LHFPL3: variants seen among roughly 807,000 people sequenced by gnomAD.
LHFPL3 encodes LHFPL tetraspan subfamily member 3 protein.
Under a neutral mutation model 19.3 loss-of-function variants are expected in LHFPL3, and 5 were observed. That is an observed-to-expected ratio of 0.26 (90% CI 0.14 to 0.54). The LOEUF (loss-of-function observed/expected upper bound fraction) is 0.54. Among genes scored for constraint, LHFPL3 ranks in the 20% least tolerant of loss-of-function variants. The probability of loss-of-function intolerance (pLI) is 0.94; values close to 1 mark genes in which losing one functional copy is unlikely to be tolerated. For synonymous variants in LHFPL3, 133 were observed against 126.2 expected, an observed-to-expected ratio of 1.05 and a Z score of -0.36; for missense variants, 249 against 307.4, an observed-to-expected ratio of 0.81 and a Z score of 1.42.
rs539563784 is a variant in LHFPL3 at position 104,897,458 on chromosome 7, A to G, written c.683-8729A>G. On this transcript the variant is annotated intron_variant, in intron 2 of 2. Coordinates refer to ENST00000424859, the MANE Select transcript of LHFPL3 (RefSeq NM_199000.3). ...GGATAATTAGGACCAGGACTATTAC[A>G]TTTGTGGTAACAAAGGCATGTAAAA... Among the ~76,000 whole-genome samples the G allele has an allele frequency of 9.8e-5, 15 of 152,324 alleles. No individual in the cohort carries two copies. In the East Asian group the frequency reaches 2.9e-3, roughly 29 times the overall value.
rs575424132 is a variant in LHFPL3 at position 104,595,236 on chromosome 7, CT to C, written c.446-141434del. On this transcript the variant is annotated intron_variant, in intron 1 of 2. Transcript: ENST00000424859. ...CAGATGGGGTTTTGGTGTAGATGAC[CT>C]TTTTGTTGATGTTGATGCTATTTCT... 2.7e-3 allele frequency among the ~76,000 whole-genome samples: 411 copies of C among 152,002 alleles called. 4 individuals carry two copies. Among genetic ancestry groups the C allele is most frequent in the African/African-American group, 9.7e-3 (400 of 41,442 alleles).
intron 1 of LHFPL3, among the ~76,000 whole-genome samples, chr7:104,384,787 C>CAAAAAAAAA (rs771136918): frequency 2.7e-5 from 2 of 74,564 alleles, no homozygotes; most frequent in African/African-American, 5.3e-5. Flanking sequence ...AACTCTATTT[C>CAAAAAAAAA]AAAAAAAAAA....
chr7:104,587,269 C>A (rs1336350785), intron 1 of LHFPL3, among the ~76,000 whole-genome samples: 7 of 152,176 alleles, frequency 4.6e-5, no homozygotes, highest in Admixed American at 4.6e-4. Context: ...TCCCTCCCCT[C>A]TCCCCACACC....
chr7:104,834,153 G>C (rs1450548560), intron 2 of LHFPL3, among the ~76,000 whole-genome samples: 2 of 151,040 alleles, frequency 1.3e-5, no homozygotes, highest in Non-Finnish European at 2.9e-5. Context: ...TTAAGGGTGG[G>C]TCTGCCTTCC....
At chr7:104,623,428 G>A (rs927816726) in intron 1 of LHFPL3, among the ~76,000 whole-genome samples, 4 of 152,150 alleles carry the variant, frequency 2.6e-5, no homozygotes, top group Non-Finnish European at 4.4e-5. Flanking sequence ...TCAGGAGTTC[G>A]AGACCAGCCT....
intron 1 of LHFPL3, among the ~76,000 whole-genome samples, chr7:104,495,138 A>G (rs141527600): frequency 3.2e-4 from 48 of 152,212 alleles, no homozygotes; most frequent in African/African-American, 1.1e-3. Flanking sequence ...TCTTCCTCAG[A>G]GAAGGTTCAA....
chr7:104,340,627 G>A (rs1175541355), intron 1 of LHFPL3, among the ~76,000 whole-genome samples: 3 of 152,162 alleles, frequency 2.0e-5, no homozygotes, highest in Non-Finnish European at 4.4e-5. Context: ...ATTGAGTGGC[G>A]CAATTTGTGT....
chr7:104,336,536 A>C (rs1045671296), intron 1 of LHFPL3, among the ~76,000 whole-genome samples: 4 of 151,934 alleles, frequency 2.6e-5, no homozygotes, highest in East Asian at 1.9e-4. Context: ...GGGGCTTGCA[A>C]GGGGAAGATA....
chr7:104,815,841 C>T lies in LHFPL3; in HGVS notation c.682+78930C>T, dbSNP rs573651039. On this transcript the variant is annotated intron_variant, in intron 2 of 2. Coordinates refer to ENST00000424859, the MANE Select transcript of LHFPL3 (RefSeq NM_199000.3). The stretch of plus-strand genomic sequence containing the variant: ...GACACAGGAAAGTTGTGAACTGCCT[C>T]GTGTGAGTACTAGGGCAAAGAAGCT... 2.2e-3 allele frequency among the ~76,000 whole-genome samples: 337 copies of T among 152,206 alleles called. 1 individual carries two copies. Among genetic ancestry groups the T allele is most frequent in the South Asian group, 0.02 (96 of 4,808 alleles).
intron 2 of LHFPL3, among the ~76,000 whole-genome samples, chr7:104,898,468 TGG>T (rs1792411470): frequency 6.6e-6 from 1 of 152,230 alleles, no homozygotes; most frequent in African/African-American, 2.4e-5. Flanking sequence ...GTTAATTAAT[TGG>T]TTTTATACAA....
At chr7:104,528,429 T>G (rs1794231196) in intron 1 of LHFPL3, among the ~76,000 whole-genome samples, 1 of 152,166 alleles carries the variant, frequency 6.6e-6, no homozygotes, top group African/African-American at 2.4e-5. Context: ...TTCCTTCTCT[T>G]TCTCATCCTT....
chr7:104,885,064 G>GGT (rs1792123662), intron 2 of LHFPL3, among the ~76,000 whole-genome samples: 1 of 152,216 alleles, frequency 6.6e-6, no homozygotes, highest in Non-Finnish European at 1.5e-5. Flanking sequence ...GATCTATGTA[G>GGT]GTGCAGCGTG....
chr7:104,369,582 T>A (rs992739687), intron 1 of LHFPL3, among the ~76,000 whole-genome samples: 1 of 152,234 alleles, frequency 6.6e-6, no homozygotes, highest in Non-Finnish European at 1.5e-5. Context: ...TACATTTATG[T>A]TTAACTTTTA....
chr7:104,333,456 A>C (rs527808013), intron 1 of LHFPL3, among the ~76,000 whole-genome samples: 5 of 152,290 alleles, frequency 3.3e-5, no homozygotes, highest in African/African-American at 1.2e-4. Flanking sequence ...TACTCCCCAG[A>C]TTCCTCATCT....
intron 1 of LHFPL3, among the ~76,000 whole-genome samples, chr7:104,612,930 A>G (rs1236619505): frequency 6.6e-6 from 1 of 152,230 alleles, no homozygotes; most frequent in African/African-American, 2.4e-5. Flanking sequence ...TTCCCACACT[A>G]CACTCAGCTC....
chr7:104,374,293 G>A (rs1364881986), intron 1 of LHFPL3, among the ~76,000 whole-genome samples: 1 of 151,754 alleles, frequency 6.6e-6, no homozygotes, highest in African/African-American at 2.4e-5. Context: ...CCAGGCTGGA[G>A]TACAATGGCG....
chr7:104,382,659 C>T (rs1047621157), intron 1 of LHFPL3, among the ~76,000 whole-genome samples: 1 of 152,216 alleles, frequency 6.6e-6, no homozygotes, highest in Non-Finnish European at 1.5e-5. Flanking sequence ...CAGACTGTCA[C>T]TCTCTGTATG....
chr7:104,805,977 G>A (rs1342147028), intron 2 of LHFPL3, among the ~76,000 whole-genome samples: 3 of 152,144 alleles, frequency 2.0e-5, no homozygotes, highest in East Asian at 1.9e-4. Flanking sequence ...ACCATGATAC[G>A]TTTCATGATT....
chr7:104,683,703 C>T (rs1489316887), intron 1 of LHFPL3, among the ~76,000 whole-genome samples: 1 of 152,168 alleles, frequency 6.6e-6, no homozygotes, highest in Admixed American at 6.5e-5. Context: ...ATTTAATTTG[C>T]ATTCTTTCAT....
Sources: gnomAD v4.1 joint callset for allele counts (sites outside exome capture counted in the v4.1 genomes callset) on GRCh38, gnomAD v4.1.1 for gene constraint, MANE v1.5 for transcripts, NCBI Gene and HGNC (gene_info 2026-07-23, HGNC 2026-07-21) for gene names.